AFF1: variants seen among roughly 807,000 people sequenced by gnomAD.
AFF1 encodes the protein AF4/FMR2 family member 1.
In AFF1, 48 loss-of-function variants were observed where a neutral mutation model predicts 121.7. The observed-to-expected ratio is 0.39, with a 90% CI of 0.31 to 0.50. AFF1 has a LOEUF of 0.50. Ranked by LOEUF, AFF1 falls within the 20% of genes least tolerant of loss-of-function variation. The probability of loss-of-function intolerance (pLI) is 0.76; values close to 1 mark genes in which losing one functional copy is unlikely to be tolerated. For synonymous variants in AFF1, 613 were observed against 563.0 expected, an observed-to-expected ratio of 1.09 and a Z score of -1.26; for missense variants, 1,523 against 1,511.7, an observed-to-expected ratio of 1.01 and a Z score of -0.12.
At chr4:87,111,953 C>T (rs1726583701) in intron 11 of AFF1, among the ~76,000 whole-genome samples, 1 of 152,106 alleles carries the variant, frequency 6.6e-6, no homozygotes, top group Non-Finnish European at 1.5e-5. Flanking sequence ...GGGGGGAAAC[C>T]AGATGTTATT....
intron 2 of AFF1, among the ~76,000 whole-genome samples, chr4:86,995,602 C>G (rs62306479): frequency 4.0e-5 from 6 of 149,672 alleles, no homozygotes; most frequent in Admixed American, 3.3e-4. Context: ...ACGGAGTCTC[C>G]TTCACTCAGT....
chr4:87,117,476 G>A (rs576569788), intron 12 of AFF1, among the ~76,000 whole-genome samples: 7 of 152,248 alleles, frequency 4.6e-5, no homozygotes, highest in East Asian at 3.9e-4. Flanking sequence ...CACTGATGAC[G>A]GGAATCCCCA....
At chr4:87,037,584 A>G (rs535450161) in intron 2 of AFF1, among the ~76,000 whole-genome samples, 1 of 152,262 alleles carries the variant, frequency 6.6e-6, no homozygotes, top group South Asian at 2.1e-4. Flanking sequence ...AAGTGCTGAG[A>G]TTACAGGCAT....
In AFF1 at chr4:87,082,520, C is replaced by T. The variant is rs1578212568; in HGVS notation, c.1060-1600C>T. ...TACATGTTTTAAAAACAGACTGCAT[C>T]TGAATTTTTTTTTAATTTTTAAATT... On this transcript the variant is annotated intron_variant, in intron 4 of 20. Coordinates refer to ENST00000395146, the MANE Select transcript of AFF1 (RefSeq NM_001166693.3). Among the ~76,000 whole-genome samples, 3 of 152,186 alleles carry T rather than the reference C, an allele frequency of 2.0e-5. No individual in the cohort carries two copies. The South Asian group carries it at 6.2e-4, about 32-fold the overall frequency.
At chr4:87,008,839 A>G (rs1726439390) in intron 2 of AFF1, among the ~76,000 whole-genome samples, 1 of 152,158 alleles carries the variant, frequency 6.6e-6, no homozygotes, top group Non-Finnish European at 1.5e-5. Context: ...ATTTCTTTTA[A>G]ATATTTTAAT....
chr4:87,103,884 T>A (rs1725662997), intron 8 of AFF1, among the ~76,000 whole-genome samples: 1 of 152,248 alleles, frequency 6.6e-6, no homozygotes, highest in Admixed American at 6.5e-5. Context: ...AGGTCAGTTT[T>A]TTGTTTTGTT....
intron 4 of AFF1, among the ~76,000 whole-genome samples, chr4:87,049,092 AAAAG>A (rs1259205231): frequency 0.016 from 1,163 of 70,586 alleles, 24 homozygotes; most frequent in African/African-American, 0.06. Flanking sequence ...AAAAAAAAAA[AAAAG>A]GGGGGGGGGG....
Position 86,949,536 on chromosome 4 carries a change from TA to T in AFF1, c.38+966del, listed in dbSNP as rs1467024695. The T allele has an allele frequency of 5.1e-4, 162 of 320,458 alleles. 1 individual carries two copies. In the African/African-American group the frequency reaches 6.0e-3, roughly 12 times the overall value. The allele number at this position is 320,458 out of a possible 1,614,324, so 19.9% of individuals were successfully genotyped here. A position where few individuals can be genotyped will look rare whatever the true frequency, so the allele number is the denominator to read the frequency against. ...TCTATTTATTAATTATTATTATTATTATTTTTTTTTTTTTTTTTTTCCCGAC... is the reference window on the plus strand; with the variant it reads ...TCTATTTATTAATTATTATTATTATTTTTTTTTTTTTTTTTTTTTCCCGAC... On this transcript the variant is annotated intron_variant, in intron 2 of 20. Transcript: ENST00000395146.
intron 8 of AFF1, among the ~76,000 whole-genome samples, chr4:87,095,703 C>T (rs1724761380): frequency 6.6e-6 from 1 of 152,048 alleles, no homozygotes; most frequent in Non-Finnish European, 1.5e-5. Flanking sequence ...CCAGTAAGTC[C>T]AGAAATATTT....
intron 5 of AFF1, among the ~76,000 whole-genome samples, chr4:87,085,875 A>T (rs1222289209): frequency 6.6e-6 from 1 of 151,420 alleles, no homozygotes; most frequent in African/African-American, 2.4e-5. Flanking sequence ...AGTAGCCGGG[A>T]TTACAGGTGT....
chr4:87,021,349 T>G (rs1413214057), intron 2 of AFF1, among the ~76,000 whole-genome samples: 1 of 152,194 alleles, frequency 6.6e-6, no homozygotes, highest in African/African-American at 2.4e-5. Context: ...ACACCACTCA[T>G]TTATCTTGGA....
At chr4:87,088,229 C>T (rs1384368953) in intron 5 of AFF1, among the ~76,000 whole-genome samples, 3 of 152,190 alleles carry the variant, frequency 2.0e-5, no homozygotes, top group African/African-American at 7.2e-5. Context: ...TAGGAAAGAT[C>T]TCCTGTTGTG....
chr4:86,941,671 A>C (rs1037039978), intron 1 of AFF1, among the ~76,000 whole-genome samples: 1 of 151,788 alleles, frequency 6.6e-6, no homozygotes, highest in Admixed American at 6.6e-5. Context: ...TAAATAAATA[A>C]ATAAATAAAA....
At chr4:86,982,884 G>C (rs975157303) in intron 2 of AFF1, among the ~76,000 whole-genome samples, 13 of 129,476 alleles carry the variant, frequency 1.0e-4, no homozygotes, top group African/African-American at 4.1e-4. Context: ...AAGGAAGCTT[G>C]TTTGCCCCTT....
At chr4:86,965,838 ATAC>A (rs1411697496) in intron 2 of AFF1, among the ~76,000 whole-genome samples, 2 of 152,188 alleles carry the variant, frequency 1.3e-5, no homozygotes, top group Non-Finnish European at 2.9e-5. Context: ...TGACCTTCTC[ATAC>A]TAATGCCTTT....
rs116322186 is a variant in AFF1, at chr4:87,041,830, C to G, written c.39-4336C>G. 4.6e-3 allele frequency among the ~76,000 whole-genome samples: 695 copies of G among 152,142 alleles called. 6 individuals carry two copies. The highest frequency in any genetic ancestry group is 0.016 in the African/African-American group (668 of 41,480). On this transcript the variant is annotated intron_variant, in intron 2 of 20. Coordinates refer to ENST00000395146, the MANE Select transcript of AFF1 (RefSeq NM_001166693.3). ...AGGAGTTTGAGACCCGTGTGGCCAA[C>G]TTGGTGAAACCCTGTCTCTACTAAA... is the stretch of plus-strand genomic sequence containing the variant.
chr4:87,036,364 C>G (rs576262245), intron 2 of AFF1, among the ~76,000 whole-genome samples: 2 of 152,180 alleles, frequency 1.3e-5, no homozygotes, highest in East Asian at 1.9e-4. Flanking sequence ...TTATTAACCC[C>G]TAGCTGTAGA....
At chr4:87,046,414 T>G in intron 3 of AFF1, 128 bp downstream of exon 3, 1 of 1,324,248 alleles carries the variant, frequency 7.6e-7, no homozygotes. Flanking sequence ...TTATTCTAAC[T>G]TATTCTAGAG....
At chr4:87,053,828 C>T (rs188482267) in intron 4 of AFF1, among the ~76,000 whole-genome samples, 60 of 152,250 alleles carry the variant, frequency 3.9e-4, no homozygotes, top group Non-Finnish European at 7.5e-4. Flanking sequence ...TTGACAAGTG[C>T]TATAAGGGAA....
Sources: gnomAD v4.1 joint callset for allele counts (sites outside exome capture counted in the v4.1 genomes callset) on GRCh38, gnomAD v4.1.1 for gene constraint, MANE v1.5 for transcripts, NCBI Gene and HGNC (gene_info 2026-07-23, HGNC 2026-07-21) for gene names.